MRAS: variants seen among roughly 807,000 people sequenced by gnomAD.
MRAS encodes ras-related protein M-Ras.
MRAS carries 4 observed loss-of-function variants against 20.9 expected under a neutral mutation model. The observed-to-expected ratio is 0.19, with a 90% CI of 0.09 to 0.44. The LOEUF is 0.44. Among genes scored for constraint, MRAS ranks in the 20% least tolerant of loss-of-function variants. The probability of loss-of-function intolerance (pLI) is 0.99; values close to 1 mark genes in which losing one functional copy is unlikely to be tolerated. For synonymous variants in MRAS, 98 were observed against 102.9 expected, an observed-to-expected ratio of 0.95 and a Z score of 0.29; for missense variants, 154 against 277.5, an observed-to-expected ratio of 0.56 and a Z score of 3.16.
chr3:138,356,961 G>A (rs916612782), intron 1 of MRAS, among the ~76,000 whole-genome samples: 1 of 152,216 alleles, frequency 6.6e-6, no homozygotes, highest in East Asian at 1.9e-4. Context: ...CTGGGTGGGT[G>A]TTTCCTGCAT....
chr3:138,392,261 G>A (rs1560183873), intron 2 of MRAS, among the ~76,000 whole-genome samples: 1 of 152,222 alleles, frequency 6.6e-6, no homozygotes, highest in Admixed American at 6.5e-5. Context: ...AGGCTGGAGT[G>A]CAGTGGCAAG....
chr3:138,348,602 C>T lies in MRAS; in HGVS notation c.-184C>T, dbSNP rs1385219891. 1 of 151,824 alleles carries T rather than the reference C, an allele frequency of 6.6e-6. No homozygotes were observed. Among genetic ancestry groups the T allele is most frequent in the Non-Finnish European group, 1.5e-5 (1 of 67,966 alleles). The allele number at this position is 151,824 out of a possible 1,614,324, so 9.4% of individuals were successfully genotyped here. A position where few individuals can be genotyped will look rare whatever the true frequency, so the allele number is the denominator to read the frequency against. On this transcript the variant is annotated 5_prime_UTR_variant, in exon 1 of 6. Transcript: ENST00000423968. ...TCGGGGCGCACGCTGGCGGCGCGGT[C>T]GCTTTAAGGAGGCGCCGGGGCGGGG...
chr3:138,362,972 C>T (rs972749089), intron 1 of MRAS, among the ~76,000 whole-genome samples: 2 of 152,150 alleles, frequency 1.3e-5, no homozygotes, highest in Non-Finnish European at 2.9e-5. Context: ...TTTCATGCCT[C>T]CATGCATTAC....
chr3:138,401,869 C>T lies in MRAS; in HGVS notation c.528-301C>T, dbSNP rs544686080. Among the ~76,000 whole-genome samples, 44 of 152,302 alleles carry T rather than the reference C, an allele frequency of 2.9e-4. No homozygotes were observed. The South Asian group carries it at 9.1e-3, about 32-fold the overall frequency. ...CTCTATAAGACAAAACGTGATGTAGCTTATGATTTATGTAAATGTAGCTAC... is the reference window on the plus strand; with the variant it reads ...CTCTATAAGACAAAACGTGATGTAGTTTATGATTTATGTAAATGTAGCTAC... On this transcript the variant is annotated intron_variant, in intron 5 of 5. Transcript: ENST00000423968.
At chr3:138,370,250 C>T (rs2108516148) in intron 1 of MRAS, among the ~76,000 whole-genome samples, 1 of 152,298 alleles carries the variant, frequency 6.6e-6, no homozygotes, top group South Asian at 2.1e-4. Flanking sequence ...ACTTGGGAGG[C>T]GGAGGCTGCA....
intron 1 of MRAS, among the ~76,000 whole-genome samples, chr3:138,353,638 T>C (rs1346132212): frequency 6.6e-6 from 1 of 152,236 alleles, no homozygotes; most frequent in Non-Finnish European, 1.5e-5. Context: ...AGCCCCTCTG[T>C]ATGTCCGTCC....
chr3:138,374,973 C>T (rs2054753570), intron 2 of MRAS, among the ~76,000 whole-genome samples: 1 of 152,186 alleles, frequency 6.6e-6, no homozygotes, highest in African/African-American at 2.4e-5. Context: ...CCACAAAATA[C>T]TGGGCTCAAG....
chr3:138,393,206 A>G (rs1470139636), intron 2 of MRAS, among the ~76,000 whole-genome samples: 3 of 152,194 alleles, frequency 2.0e-5, no homozygotes, highest in Non-Finnish European at 4.4e-5. Context: ...CAAATTATGC[A>G]ACAACATTTA....
intron 1 of MRAS, among the ~76,000 whole-genome samples, chr3:138,360,674 T>C (rs939246454): frequency 6.6e-6 from 1 of 152,202 alleles, no homozygotes; most frequent in African/African-American, 2.4e-5. Context: ...GCCCATGGCA[T>C]AGTGCCCACA....
At chr3:138,355,047 A>C (rs2054303230) in intron 1 of MRAS, among the ~76,000 whole-genome samples, 1 of 152,174 alleles carries the variant, frequency 6.6e-6, no homozygotes, top group Non-Finnish European at 1.5e-5. Flanking sequence ...GACCTCCCAA[A>C]GTGCTGGGAT....
intron 2 of MRAS, among the ~76,000 whole-genome samples, chr3:138,393,145 C>G (rs1444712684): frequency 6.6e-6 from 1 of 152,216 alleles, no homozygotes; most frequent in African/African-American, 2.4e-5. Context: ...CTCCTACCCT[C>G]ACACATTGGA....
intron 2 of MRAS, among the ~76,000 whole-genome samples, chr3:138,388,235 G>A (rs560061179): frequency 2.6e-5 from 4 of 152,304 alleles, no homozygotes; most frequent in Non-Finnish European, 5.9e-5. Flanking sequence ...TACCCAGAAA[G>A]GGGAGCGCAA....
At chr3:138,354,783 CT>C (rs1481989387) in intron 1 of MRAS, among the ~76,000 whole-genome samples, 2 of 151,716 alleles carry the variant, frequency 1.3e-5, no homozygotes, top group Admixed American at 1.3e-4. Flanking sequence ...TAACAAAATG[CT>C]TTTTGTTGTT....
intron 1 of MRAS, among the ~76,000 whole-genome samples, chr3:138,369,776 C>T (rs2108515461): frequency 6.6e-6 from 1 of 152,278 alleles, no homozygotes; most frequent in South Asian, 2.1e-4. Context: ...CCCCACTGGC[C>T]ATTTCCTGCC....
rs571730521 is a variant in MRAS, at chr3:138,395,897, C to T, written c.194-1427C>T. ...TTTATTTTTTGATTCAAGTACTGTTCGGGGCTACTTTTTGGCCAGGCCATG... is the reference window on the plus strand; with the variant it reads ...TTTATTTTTTGATTCAAGTACTGTTTGGGGCTACTTTTTGGCCAGGCCATG... On this transcript the variant is annotated intron_variant, in intron 2 of 5. Transcript: ENST00000423968. Among the ~76,000 whole-genome samples, 8 of 152,314 alleles carry T rather than the reference C, an allele frequency of 5.3e-5. No homozygotes were observed. The East Asian group carries it at 1.2e-3, about 22-fold the overall frequency.
At chr3:138,383,289 A>G (rs1199319940) in intron 2 of MRAS, among the ~76,000 whole-genome samples, 1 of 152,084 alleles carries the variant, frequency 6.6e-6, no homozygotes, top group Non-Finnish European at 1.5e-5. Flanking sequence ...AGTAGATGCT[A>G]TTGTTGCAGT....
At chr3:138,360,689 C>G (rs907862285) in intron 1 of MRAS, among the ~76,000 whole-genome samples, 2 of 152,252 alleles carry the variant, frequency 1.3e-5, no homozygotes, top group African/African-American at 4.8e-5. Flanking sequence ...CCCACATCAC[C>G]TCTGTCCTAC....
chr3:138,394,115 G>A (rs1298965649), intron 2 of MRAS, among the ~76,000 whole-genome samples: 1 of 150,052 alleles, frequency 6.7e-6, no homozygotes, highest in African/African-American at 2.5e-5. Flanking sequence ...AAAAAAAGCT[G>A]CAGTCCCTCC....
intron 1 of MRAS, among the ~76,000 whole-genome samples, chr3:138,367,905 G>T (rs139586351): frequency 6.6e-6 from 1 of 152,390 alleles, no homozygotes; most frequent in African/African-American, 2.4e-5. Flanking sequence ...TCCATTTACA[G>T]ATGCCTGAGG....
Sources: gnomAD v4.1 joint callset for allele counts (sites outside exome capture counted in the v4.1 genomes callset) on GRCh38, gnomAD v4.1.1 for gene constraint, MANE v1.5 for transcripts, NCBI Gene and HGNC (gene_info 2026-07-23, HGNC 2026-07-21) for gene names.